Variants in NLRP13 observed in about 807,000 individuals in gnomAD.
NLRP13 encodes the protein NACHT, LRR and PYD domains-containing protein 13.
Under a neutral mutation model 94.4 loss-of-function variants are expected in NLRP13, and 82 were observed. That is an observed-to-expected ratio of 0.87 (90% CI 0.73 to 1.04). The LOEUF (loss-of-function observed/expected upper bound fraction) is 1.04. NLRP13 is among the 50% of genes least tolerant of loss of function. The pLI is 0.00. For missense variants in NLRP13, 1,426 were observed against 1,230.8 expected (o/e 1.16, Z -2.37); for synonymous variants, 553 against 464.7 (o/e 1.19, Z -2.45).
intron 6 of NLRP13, among the ~76,000 whole-genome samples, chr19:55,908,373 A>G (rs1396704138): frequency 1.3e-5 from 2 of 152,212 alleles, no homozygotes; most frequent in South Asian, 4.1e-4. Context: ...CAAAAGTTTA[A>G]TATTAAAAGA....
At position 55,898,816 on chromosome 19, in the gene NLRP13, G is replaced by T. The variant is rs1223174811; in HGVS notation, c.2911C>A (p.Leu971Ile). Residue 971 changes from leucine to isoleucine, a missense_variant, in exon 10 of 11, where the codon CTA becomes ATA. Coordinates refer to ENST00000342929, the MANE Select transcript of NLRP13 (RefSeq NM_176810.2). ...ENDLQDDGVK[L>I]LCEALKPHRA... Reference sequence around the variant, plus strand: ...TGTGGTTTCAGAGCCTCACACAGTAGCTTCACTCCATCATCCTGAAGATCA... The same window carrying T: ...TGTGGTTTCAGAGCCTCACACAGTATCTTCACTCCATCATCCTGAAGATCA... 19 of 1,613,612 alleles carry T rather than the reference G, an allele frequency of 1.2e-5. No individual in the cohort carries two copies. Among genetic ancestry groups the T allele is most frequent in the Non-Finnish European group, 1.5e-5 (18 of 1,179,854 alleles).
chr19:55,894,592 C>T (rs117061730), downstream of NLRP13, among the ~76,000 whole-genome samples: 1,570 of 152,298 alleles, frequency 0.01, 11 homozygotes, highest in Non-Finnish European at 0.012. Flanking sequence ...CCGCCTCTGG[C>T]AAGCCCCTTG....
At chr19:55,930,114 G>A (rs1987073103) in intron 1 of NLRP13, among the ~76,000 whole-genome samples, 1 of 152,102 alleles carries the variant, frequency 6.6e-6, no homozygotes, top group South Asian at 2.1e-4. Context: ...CGTGTCCAGG[G>A]TTCTGATATG....
chr19:55,898,708 A>T, intron 10 of NLRP13, 62 bp downstream of exon 10: 1 of 1,483,798 alleles, frequency 6.7e-7, no homozygotes, highest in Non-Finnish European at 9.1e-7. Flanking sequence ...GGATCCGATC[A>T]TATCTCCCCA....
intron 1 of NLRP13, among the ~76,000 whole-genome samples, chr19:55,925,396 C>T (rs535451342): frequency 6.6e-6 from 1 of 152,300 alleles, no homozygotes; most frequent in African/African-American, 2.4e-5. Flanking sequence ...ATACCTTAGC[C>T]TCTCCCCATC....
intron 4 of NLRP13, among the ~76,000 whole-genome samples, chr19:55,918,697 TCAA>T (rs887065917): frequency 4.6e-5 from 7 of 151,778 alleles, no homozygotes; most frequent in African/African-American, 1.2e-4. Context: ...CCTGAACAGA[TCAA>T]CAACAAGGAG....
chr19:55,907,911 A>C lies in NLRP13; in HGVS notation c.2328T>G (p.Ile776Met), dbSNP rs1986399366. ...TCAGCTTGCTGTTACCCTGAAGGGCAATAATGAGGTCCTGCAGAACCCACT... is the reference window on the plus strand; with the variant it reads ...TCAGCTTGCTGTTACCCTGAAGGGCCATAATGAGGTCCTGCAGAACCCACT... ...TPEWVLQDLI[I>M]ALQGNSKLTH... Residue 776 changes from isoleucine (I) to methionine (M), a missense_variant, in exon 7 of 11, where the codon ATT becomes ATG. Coordinates refer to ENST00000342929, the MANE Select transcript of NLRP13 (RefSeq NM_176810.2). 3.1e-6 allele frequency: 5 copies of C among 1,613,132 alleles called. No homozygotes were observed. Among genetic ancestry groups the C allele is most frequent in the South Asian group, 1.1e-5 (1 of 90,886 alleles).
chr19:55,897,964 C>G lies in NLRP13; in HGVS notation c.2957+806G>C, dbSNP rs183516094. On this transcript the variant is annotated intron_variant, in intron 10 of 10. Transcript: ENST00000342929. ...ACATTTAGCAAAAAATCCTACGGTT[C>G]AGAGCAACTCATCTTAGTCTGCTTA... is the stretch of plus-strand genomic sequence containing the variant. Among the ~76,000 whole-genome samples the G allele has an allele frequency of 2.0e-5, 3 of 152,212 alleles. No individual in the cohort carries two copies. The East Asian group carries it at 5.8e-4, about 29-fold the overall frequency.
chr19:55,921,449 T>C (rs1986823605), intron 4 of NLRP13, among the ~76,000 whole-genome samples: 1 of 152,182 alleles, frequency 6.6e-6, no homozygotes, highest in Non-Finnish European at 1.5e-5. Flanking sequence ...TTTAAGAATG[T>C]CTTCTACAGA....
intron 7 of NLRP13, among the ~76,000 whole-genome samples, 198 bp from the exon 8 acceptor site, chr19:55,905,310 G>A (rs1164789632): frequency 1.3e-5 from 2 of 151,970 alleles, no homozygotes; most frequent in Non-Finnish European, 2.9e-5. Flanking sequence ...GGGAGGCCAA[G>A]GCGGGTGGAT....
chr19:55,925,358 C>T (rs936105920), intron 1 of NLRP13, among the ~76,000 whole-genome samples: 2 of 152,232 alleles, frequency 1.3e-5, no homozygotes, highest in African/African-American at 4.8e-5. Flanking sequence ...TAATCCTAAT[C>T]ATGACTACCA....
chr19:55,910,605 C>T lies in NLRP13; in HGVS notation c.2240G>A (p.Cys747Tyr), dbSNP rs1986480623. The T allele has an allele frequency of 3.1e-6, 5 of 1,613,108 alleles. No individual in the cohort carries two copies. The highest frequency in any genetic ancestry group is 2.7e-5 in the African/African-American group (2 of 74,900). The part of the protein sequence containing the change: ...KLHASSVKGL[C>Y]LALKNPRCKV... ...GCATCTTGGATTTTTCAGTGCAAGA[C>T]AGAGACCCTTCACAGAGGAAGCATG... The change falls in exon 6 of 11, where the codon TGT becomes TAT. Residue 747 changes from cysteine to tyrosine, a missense_variant. Physicochemically the swap from Cys to Tyr is radical, Grantham distance 194. Transcript: ENST00000342929.
chr19:55,908,983 A>G (rs1272059306), intron 6 of NLRP13, among the ~76,000 whole-genome samples: 1 of 152,212 alleles, frequency 6.6e-6, no homozygotes, highest in East Asian at 1.9e-4. Context: ...CAGCTCACCC[A>G]ATACACTGAG....
chr19:55,930,688 A>G (rs1236143957), intron 1 of NLRP13, among the ~76,000 whole-genome samples: 1 of 25,232 alleles, frequency 4.0e-5, no homozygotes, highest in Non-Finnish European at 7.8e-5. Flanking sequence ...CTCCATCTCA[A>G]AAAAAAAAAA....
At chr19:55,895,690 G>C (rs746397965), downstream of NLRP13, among the ~76,000 whole-genome samples, 2 of 152,046 alleles carry the variant, frequency 1.3e-5, no homozygotes, top group Non-Finnish European at 2.9e-5. Context: ...CTCAAAAAAG[G>C]TGAAAGAAAA....
Position 55,932,216 on chromosome 19 carries a change from G to C in NLRP13, c.96C>G (p.Phe32Leu), listed in dbSNP as rs756876652. Residue 32 changes from phenylalanine to leucine, a missense_variant, in exon 1 of 11, where the codon TTC (phenylalanine) becomes TTG (leucine). Physicochemically the swap from Phe to Leu is conservative, Grantham distance 22. Transcript: ENST00000342929. The part of the protein sequence containing the change: ...MALDQYQLEE[F>L]KLCLEPQQLM... ...GCTGCTGGGGTTCCAAGCAAAGCTT[G>C]AATTCCTCCAGCTGATACTGATCCA... The C allele has an allele frequency of 1.2e-6, 2 of 1,613,798 alleles. No individual in the cohort carries two copies. Among genetic ancestry groups the C allele is most frequent in the Non-Finnish European group, 1.7e-6 (2 of 1,179,922 alleles).
downstream of NLRP13, among the ~76,000 whole-genome samples, chr19:55,892,609 T>C (rs569457393): frequency 6.6e-6 from 1 of 152,096 alleles, no homozygotes; most frequent in South Asian, 2.1e-4. Context: ...TTAGTAGAGA[T>C]GGGGTTTCAC....
At chr19:55,931,271 G>C (rs1201067405) in intron 1 of NLRP13, among the ~76,000 whole-genome samples, 1 of 152,024 alleles carries the variant, frequency 6.6e-6, no homozygotes, top group African/African-American at 2.4e-5. Flanking sequence ...GTGCAGGGTC[G>C]GTGGGTTGCG....
At chr19:55,910,251 G>C (rs1452045217) in intron 6 of NLRP13, among the ~76,000 whole-genome samples, 1 of 152,212 alleles carries the variant, frequency 6.6e-6, no homozygotes, top group Non-Finnish European at 1.5e-5. Flanking sequence ...CTCTTCTTGA[G>C]TGCTTTGAGT....
Sources: allele counts gnomAD v4.1 joint callset (sites outside exome capture counted in the v4.1 genomes callset), GRCh38; gene constraint gnomAD v4.1.1; transcripts MANE v1.5; gene names NCBI Gene and HGNC (gene_info 2026-07-23, HGNC 2026-07-21).